COX17: variants seen among roughly 807,000 people sequenced by gnomAD.
The protein encoded by COX17 is cytochrome c oxidase copper chaperone.
In COX17, 1 loss-of-function variant was observed where a neutral mutation model predicts 6.3. The observed-to-expected ratio is 0.16, with a 90% CI of 0.06 to 0.75. The LOEUF is 0.75. Among genes scored for constraint, COX17 ranks in the 30% least tolerant of loss-of-function variants. The pLI, the probability that COX17 is intolerant of heterozygous loss-of-function variation, is 0.77. For synonymous variants in COX17, 26 were observed against 30.5 expected, an observed-to-expected ratio of 0.85 and a Z score of 0.49; for missense variants, 73 against 81.2, an observed-to-expected ratio of 0.90 and a Z score of 0.39.
intron 2 of COX17, 81 bp downstream of exon 2, chr3:119,675,064 T>A (rs2053085648): frequency 1.0e-6 from 1 of 982,528 alleles, no homozygotes; most frequent in Non-Finnish European, 1.6e-6. Flanking sequence ...ATTAACCAGG[T>A]GAACTACCTT....
intron 1 of COX17, chr3:119,675,440 G>T (rs965256695): frequency 2.0e-5 from 10 of 510,066 alleles, no homozygotes; most frequent in African/African-American, 1.1e-4. Flanking sequence ...AAGTGATTTT[G>T]GGGGGGAAAT....
intron 1 of COX17, 87 bp downstream of exon 1, chr3:119,677,110 AGGCAGAG>A (rs1337019212): frequency 6.9e-5 from 58 of 845,226 alleles, no homozygotes; most frequent in East Asian, 4.1e-4. Context: ...AGAGGGCAGA[AGGCAGAG>A]GGCAGAGGCC....
intron 2 of COX17, among the ~76,000 whole-genome samples, 195 bp downstream of exon 2, chr3:119,674,950 C>G (rs1190196593): frequency 1.3e-5 from 2 of 152,190 alleles, no homozygotes; most frequent in African/African-American, 4.8e-5. Flanking sequence ...TCAATTCTCC[C>G]CTTCCCCAAT....
chr3:119,667,037 T>C (rs1421702115), downstream of COX17: 2 of 152,228 alleles, frequency 1.3e-5, no homozygotes, highest in African/African-American at 4.8e-5. Context: ...ATTAGACCTA[T>C]GAAAGACATA....
At position 119,670,596 on chromosome 3, in the gene COX17, A is replaced by G. The variant is rs141316579; in HGVS notation, c.*5-931T>C. Among the ~76,000 whole-genome samples the G allele has an allele frequency of 1.6e-3, 247 of 152,310 alleles. 1 individual carries two copies. The highest frequency in any genetic ancestry group is 5.7e-3 in the African/African-American group (239 of 41,578). ...ACCCTGGATTTAAACCTGTTTGATTATATCTCTGGATGTAAAGTCTTTGAC... is the reference window on the plus strand; with the variant it reads ...ACCCTGGATTTAAACCTGTTTGATTGTATCTCTGGATGTAAAGTCTTTGAC... On this transcript the variant is annotated intron_variant, in intron 2 of 2. Transcript: ENST00000261070.
chr3:119,666,196 C>T (rs1460202898), downstream of COX17, among the ~76,000 whole-genome samples: 2 of 152,164 alleles, frequency 1.3e-5, no homozygotes, highest in East Asian at 3.9e-4. Context: ...ATAACTATTA[C>T]TGGTCCATAA....
chr3:119,676,866 G>A (rs1198885043), intron 1 of COX17: 1 of 702,902 alleles, frequency 1.4e-6, no homozygotes, highest in East Asian at 2.7e-5. Flanking sequence ...ACACACATTT[G>A]TAGGAAGGAA....
intron 2 of COX17, among the ~76,000 whole-genome samples, chr3:119,670,762 G>C (rs1442353166): frequency 1.6e-5 from 2 of 125,326 alleles, no homozygotes; most frequent in Non-Finnish European, 3.2e-5. Flanking sequence ...TTGTGTGTGT[G>C]TGTGTGTGTG....
chr3:119,673,026 G>C (rs1436087933), intron 2 of COX17, among the ~76,000 whole-genome samples: 2 of 152,208 alleles, frequency 1.3e-5, no homozygotes, highest in Non-Finnish European at 2.9e-5. Flanking sequence ...AGGTGCAAGG[G>C]AAAGAAGCCA....
intron 2 of COX17, among the ~76,000 whole-genome samples, chr3:119,673,417 A>ATAG (rs2107834471): frequency 6.6e-6 from 1 of 152,316 alleles, no homozygotes; most frequent in East Asian, 1.9e-4. Context: ...GTGACAGTGT[A>ATAG]TAGAATAGAG....
chr3:119,675,411 A>G (rs958689513), intron 1 of COX17, 178 bp from the exon 2 acceptor site: 21 of 551,718 alleles, frequency 3.8e-5, no homozygotes, highest in Non-Finnish European at 6.2e-5. Context: ...GCCCATGCCT[A>G]TGAAGACATT....
At chr3:119,667,660 CAA>C (rs71156763), downstream of COX17, among the ~76,000 whole-genome samples, 161 of 114,104 alleles carry the variant, frequency 1.4e-3, 1 homozygote, top group Middle Eastern at 4.7e-3. Flanking sequence ...TCAGAGTAGC[CAA>C]AAAAAAAAAA....
intron 2 of COX17, among the ~76,000 whole-genome samples, chr3:119,672,777 A>C (rs2053058135): frequency 6.6e-6 from 1 of 152,260 alleles, no homozygotes; most frequent in Non-Finnish European, 1.5e-5. Context: ...TTCTCTTTTT[A>C]TAAATAATAA....
chr3:119,670,840 G>A (rs955708308), intron 2 of COX17, among the ~76,000 whole-genome samples: 1 of 151,662 alleles, frequency 6.6e-6, no homozygotes, highest in Non-Finnish European at 1.5e-5. Context: ...ACTTAATATT[G>A]AGTATCACCA....
chr3:119,671,712 T>C (rs1256184101), intron 2 of COX17, among the ~76,000 whole-genome samples: 2 of 152,310 alleles, frequency 1.3e-5, no homozygotes, highest in Non-Finnish European at 2.9e-5. Flanking sequence ...AAAATGAATA[T>C]GTTGGAATAA....
At chr3:119,671,748 G>A (rs1023815232) in intron 2 of COX17, among the ~76,000 whole-genome samples, 10 of 152,192 alleles carry the variant, frequency 6.6e-5, no homozygotes, top group Non-Finnish European at 4.4e-5. Flanking sequence ...AAGGCGTGAA[G>A]TGTAAAGTGC....
At chr3:119,676,741 A>C (rs1275570016) in intron 1 of COX17, 1 of 681,896 alleles carries the variant, frequency 1.5e-6, no homozygotes, top group Admixed American at 2.0e-5. Context: ...CACGTCGTAT[A>C]CAAGTCACTG....
At chr3:119,665,957 C>T (rs929147623), downstream of COX17, among the ~76,000 whole-genome samples, 1 of 152,244 alleles carries the variant, frequency 6.6e-6, no homozygotes, top group African/African-American at 2.4e-5. Context: ...TTTGAGCAAA[C>T]TATGAGAGGA....
intron 1 of COX17, 73 bp downstream of exon 1, chr3:119,677,110 AGGCAGAGGGCAGAGGCCGTAG>A: frequency 2.4e-6 from 2 of 845,228 alleles, no homozygotes; most frequent in Non-Finnish European, 3.8e-6. Flanking sequence ...AGAGGGCAGA[AGGCAGAGGGCAGAGGCCGTAG>A]GGCAGAGGCA....
Sources: allele counts gnomAD v4.1 joint callset (sites outside exome capture counted in the v4.1 genomes callset), GRCh38; gene constraint gnomAD v4.1.1; transcripts MANE v1.5; gene names NCBI Gene and HGNC (gene_info 2026-07-23, HGNC 2026-07-21).